The following TRIM24 variants were observed in gnomAD, a reference collection of about 807,000 sequenced individuals.
TRIM24 encodes the protein transcription intermediary factor 1-alpha.
Under a neutral mutation model 123.9 loss-of-function variants are expected in TRIM24, and 29 were observed. The observed-to-expected ratio is 0.23, with a 90% CI of 0.17 to 0.32. The LOEUF is 0.32. Among genes scored for constraint, TRIM24 ranks in the 10% least tolerant of loss-of-function variants. The pLI, the probability that TRIM24 is intolerant of heterozygous loss-of-function variation, is 1.00. For missense variants in TRIM24, 932 were observed against 1,295.3 expected (o/e 0.72, Z 4.31); for synonymous variants, 456 against 461.1 (o/e 0.99, Z 0.14).
chr7:138,580,634 T>A lies in TRIM24; in HGVS notation c.2658T>A (p.Ser886Arg). 6.2e-7 allele frequency: 1 copy of A among 1,613,828 alleles called. No homozygotes were observed. Among genetic ancestry groups the A allele is most frequent in the Non-Finnish European group, 8.5e-7 (1 of 1,179,878 alleles). The change falls in exon 16 of 19, where the codon AGT becomes AGA. Residue 886 changes from serine (S) to arginine (R), a missense_variant. Transcript: ENST00000343526. ...PEVEYDCDAPSHNSEKKKTEG... is the reference protein window; with the variant it reads ...PEVEYDCDAPRHNSEKKKTEG... Reference sequence around the variant, plus strand: ...TTGAATATGATTGTGATGCTCCCAGTCACAACTCAGAAAAAAAGAAAACTG... The same window carrying A: ...TTGAATATGATTGTGATGCTCCCAGACACAACTCAGAAAAAAAGAAAACTG...
intron 2 of TRIM24, among the ~76,000 whole-genome samples, chr7:138,507,409 G>A (rs908624601): frequency 3.4e-5 from 5 of 147,668 alleles, no homozygotes; most frequent in African/African-American, 1.3e-4. Flanking sequence ...TGCCCAGGCT[G>A]GAGTGCAATG....
chr7:138,464,057 C>T (rs1795078026), intron 1 of TRIM24, among the ~76,000 whole-genome samples: 3 of 127,530 alleles, frequency 2.4e-5, no homozygotes, highest in Non-Finnish European at 3.1e-5. Context: ...TGCAGTGGTG[C>T]GATCTCGGCT....
intron 1 of TRIM24, among the ~76,000 whole-genome samples, chr7:138,464,019 G>T (rs1795076835): frequency 8.4e-5 from 1 of 11,924 alleles, no homozygotes; most frequent in Non-Finnish European, 2.1e-4. Context: ...TTTTGAGACG[G>T]AGTCTCGCTC....
At chr7:138,517,072 C>T (rs1479184756) in intron 3 of TRIM24, among the ~76,000 whole-genome samples, 1 of 151,494 alleles carries the variant, frequency 6.6e-6, no homozygotes, top group Admixed American at 6.6e-5. Flanking sequence ...TGCCATTACA[C>T]TCCGTCTGCG....
At chr7:138,536,776 C>A (rs1205000278) in intron 6 of TRIM24, among the ~76,000 whole-genome samples, 1 of 152,252 alleles carries the variant, frequency 6.6e-6, no homozygotes, top group African/African-American at 2.4e-5. Context: ...GCAGAGGTTT[C>A]TGCTGCCTTT....
Position 138,548,132 on chromosome 7 carries a change from G to A in TRIM24, c.1144-2931G>A, listed in dbSNP as rs1045043870. Among the ~76,000 whole-genome samples the A allele has an allele frequency of 6.6e-5, 10 of 152,224 alleles. No individual in the cohort carries two copies. The East Asian group carries it at 1.9e-3, about 29-fold the overall frequency. On this transcript the variant is annotated intron_variant, in intron 7 of 18. Transcript: ENST00000343526. ...GTACAGTCATGTGTTGCTTGATGAC[G>A]GGGATGCATTCTGAGAAATGGTAAT...
chr7:138,575,136 TGTAAAA>T (rs1797729713), intron 12 of TRIM24, among the ~76,000 whole-genome samples: 1 of 152,176 alleles, frequency 6.6e-6, no homozygotes, highest in South Asian at 2.1e-4. Flanking sequence ...ATATAAAAGA[TGTAAAA>T]GTATGTTTAA....
chr7:138,493,680 T>C (rs1202776713), intron 1 of TRIM24, among the ~76,000 whole-genome samples: 1 of 152,126 alleles, frequency 6.6e-6, no homozygotes, highest in Non-Finnish European at 1.5e-5. Context: ...ACCAATTAAA[T>C]CACACTCCAG....
At chr7:138,525,187 G>A (rs1052876030) in intron 4 of TRIM24, 54 bp from the exon 5 acceptor site, 2 of 793,296 alleles carry the variant, frequency 2.5e-6, no homozygotes, top group African/African-American at 1.9e-5. Context: ...TTTTATTCTT[G>A]GACTTTTTCC....
chr7:138,532,445 T>A (rs1056705157), intron 6 of TRIM24, among the ~76,000 whole-genome samples: 6 of 152,198 alleles, frequency 3.9e-5, no homozygotes, highest in Admixed American at 3.9e-4. Flanking sequence ...GCTAGCCAGT[T>A]TTCCCAGCAC....
At chr7:138,543,462 T>C (rs1410688073) in intron 7 of TRIM24, among the ~76,000 whole-genome samples, 2 of 152,204 alleles carry the variant, frequency 1.3e-5, no homozygotes, top group African/African-American at 2.4e-5. Context: ...AAAATCATTA[T>C]ATTGTATAAC....
chr7:138,522,694 T>C (rs955935524), intron 4 of TRIM24, among the ~76,000 whole-genome samples: 2 of 152,184 alleles, frequency 1.3e-5, no homozygotes, highest in Admixed American at 6.5e-5. Flanking sequence ...AAATCCTTTT[T>C]TTTAGGAAAT....
intron 2 of TRIM24, among the ~76,000 whole-genome samples, chr7:138,508,820 A>G (rs1307134140): frequency 6.6e-6 from 1 of 151,730 alleles, no homozygotes; most frequent in Non-Finnish European, 1.5e-5. Context: ...TGAAGCAGCC[A>G]TTTCTCCTAG....
chr7:138,513,466 G>A (rs1796330550), intron 2 of TRIM24, among the ~76,000 whole-genome samples: 1 of 152,164 alleles, frequency 6.6e-6, no homozygotes, highest in African/African-American at 2.4e-5. Flanking sequence ...TCTTCAGGCT[G>A]TACAGGAAGC....
chr7:138,544,637 A>G (rs1339082646), intron 7 of TRIM24, among the ~76,000 whole-genome samples: 1 of 152,196 alleles, frequency 6.6e-6, no homozygotes, highest in East Asian at 1.9e-4. Context: ...CCTAAAGTGT[A>G]CAAAGGGTTC....
chr7:138,490,844 C>T (rs1795765519), intron 1 of TRIM24: 2 of 460,640 alleles, frequency 4.3e-6, no homozygotes, highest in African/African-American at 4.1e-5. Flanking sequence ...TTGTCTGTAC[C>T]TGTCAGGTCA....
At chr7:138,492,948 A>G (rs1249572098) in intron 1 of TRIM24, among the ~76,000 whole-genome samples, 1 of 152,000 alleles carries the variant, frequency 6.6e-6, no homozygotes, top group Non-Finnish European at 1.5e-5. Flanking sequence ...TTTAATCTTC[A>G]GACTGGATAA....
chr7:138,474,211 T>C (rs1429494664), intron 1 of TRIM24, among the ~76,000 whole-genome samples: 1 of 149,592 alleles, frequency 6.7e-6, no homozygotes, highest in East Asian at 2.0e-4. Flanking sequence ...CTGCAAACTC[T>C]GCCTCCCGGG....
At chr7:138,528,391 G>C (rs1348123010) in intron 5 of TRIM24, among the ~76,000 whole-genome samples, 1 of 152,176 alleles carries the variant, frequency 6.6e-6, no homozygotes. Flanking sequence ...TTGAGCCCTA[G>C]CTTCTTAGAT....
Sources: gnomAD v4.1 joint callset for allele counts (sites outside exome capture counted in the v4.1 genomes callset) on GRCh38, gnomAD v4.1.1 for gene constraint, MANE v1.5 for transcripts, NCBI Gene and HGNC (gene_info 2026-07-23, HGNC 2026-07-21) for gene names.